Variants in PC observed in about 807,000 individuals in gnomAD.
PC encodes pyruvate carboxylase.
In PC, 46 loss-of-function variants were observed where a neutral mutation model predicts 107.8. The observed-to-expected ratio is 0.43, with a 90% CI of 0.34 to 0.55. The LOEUF (loss-of-function observed/expected upper bound fraction) is 0.55. PC is among the 20% of genes least tolerant of loss of function. The pLI is 0.04. For synonymous variants in PC, 662 were observed against 684.7 expected, an observed-to-expected ratio of 0.97 and a Z score of 0.52; for missense variants, 1,241 against 1,643.1, an observed-to-expected ratio of 0.76 and a Z score of 4.23.
intron 3 of PC, among the ~76,000 whole-genome samples, chr11:66,873,025 C>T (rs1455260767): frequency 1.4e-5 from 2 of 143,978 alleles, no homozygotes; most frequent in Non-Finnish European, 3.0e-5. Context: ...GACATCAAGA[C>T]TCTGTCCCAG....
In PC at chr11:66,870,269, C is replaced by T. The variant is rs1212358700; in HGVS notation, c.903+33G>A. On this transcript the variant is annotated intron_variant, in intron 9 of 22. Transcript: ENST00000393960. The surrounding 1 kb of genome is among the most constrained non-coding windows in gnomAD (Gnocchi z 6.1). ...AGGCCTGCCGGCCTGTGAGCACAGG[C>T]TCCTGTCCCAACACGGGAAGCCCAC... 1 of 1,610,840 alleles carries T rather than the reference C, an allele frequency of 6.2e-7. No homozygotes were observed. The highest frequency in any genetic ancestry group is 8.5e-7 in the Non-Finnish European group (1 of 1,179,814).
chr11:66,927,723 CAAAAAAA>C (rs568408958), intron 3 of PC, among the ~76,000 whole-genome samples: 1 of 96,088 alleles, frequency 1.0e-5, no homozygotes, highest in East Asian at 2.9e-4. Context: ...AAGTCCGTCT[CAAAAAAA>C]AAAAAAAAAG....
intron 12 of PC, among the ~76,000 whole-genome samples, chr11:66,861,335 A>G (rs1422972634): frequency 2.0e-5 from 3 of 152,184 alleles, no homozygotes; most frequent in African/African-American, 7.2e-5. Context: ...CAGGTGCTGT[A>G]TGAAAACTCA....
rs748957599 is a variant in PC at position 66,858,416 on chromosome 11, C to T, written c.1369-5033G>A. On this transcript the variant is annotated intron_variant, in intron 12 of 22. Transcript: ENST00000393960. This position sits in a 1 kb window ranked among gnomAD's most constrained non-coding sequence, Gnocchi z 5.9. ...GTGGGCGTGATGCAGAGGCCTCTCC[C>T]GCCCCCCTGGTGCTGAGCTTTAGCG... 1.0e-5 allele frequency: 16 copies of T among 1,555,166 alleles called. No homozygotes were observed. Among genetic ancestry groups the T allele is most frequent in the East Asian group, 2.4e-5 (1 of 42,102 alleles).
chr11:66,913,244 C>A (rs1280890632), intron 3 of PC, among the ~76,000 whole-genome samples: 1 of 151,304 alleles, frequency 6.6e-6, no homozygotes, highest in Non-Finnish European at 1.5e-5. Flanking sequence ...AGCTAGAGGG[C>A]CCAATGGGTG....
intron 1 of PC, among the ~76,000 whole-genome samples, chr11:66,955,308 G>T (rs1054689162): frequency 1.3e-5 from 2 of 152,192 alleles, no homozygotes; most frequent in Non-Finnish European, 2.9e-5. Context: ...CCCATGAGTG[G>T]TGGTGGGAGG....
chr11:66,951,236 C>A (rs1949428721), intron 3 of PC, among the ~76,000 whole-genome samples: 2 of 152,170 alleles, frequency 1.3e-5, no homozygotes, highest in Admixed American at 6.5e-5. Context: ...CCCTGAGCCA[C>A]AAAGTCCCCA....
chr11:66,882,411 G>A (rs1166874642), intron 3 of PC, among the ~76,000 whole-genome samples: 2 of 152,246 alleles, frequency 1.3e-5, no homozygotes, highest in Non-Finnish European at 2.9e-5. Context: ...CGCAGAGGAA[G>A]GGAAAGACCA....
chr11:66,890,879 G>A (rs547128352), intron 3 of PC, among the ~76,000 whole-genome samples: 7 of 152,136 alleles, frequency 4.6e-5, no homozygotes, highest in South Asian at 4.1e-4. Flanking sequence ...GAAGCTGGGC[G>A]ACAGGTACAT....
Position 66,858,656 on chromosome 11 carries a change from C to T in PC, c.1368+5118G>A. 6.5e-7 allele frequency: 1 copy of T among 1,542,696 alleles called. No individual in the cohort carries two copies. Among genetic ancestry groups the T allele is most frequent in the Non-Finnish European group, 8.7e-7 (1 of 1,144,320 alleles). On this transcript the variant is annotated intron_variant, in intron 12 of 22. Transcript: ENST00000393960. This position sits in a 1 kb window ranked among gnomAD's most constrained non-coding sequence, Gnocchi z 5.9. ...AGCGGGCCACGCTGCGGTGCCGGGC[C>T]CTGGGTGACCCCGCGCCTACCATGC...
chr11:66,878,198 C>T (rs1011965009), intron 3 of PC, among the ~76,000 whole-genome samples: 3 of 152,124 alleles, frequency 2.0e-5, no homozygotes, highest in Non-Finnish European at 4.4e-5. Context: ...GGCAGCAGCC[C>T]ACTGGCACCG....
chr11:66,849,471 G>A (rs1216827313), intron 21 of PC, 101 bp from the exon 22 acceptor site: 27 of 1,601,144 alleles, frequency 1.7e-5, no homozygotes, highest in Middle Eastern at 1.8e-4. Context: ...TTGGCTCCTC[G>A]TTCCTAAAGG....
intron 3 of PC, among the ~76,000 whole-genome samples, chr11:66,901,753 G>A (rs904691482): frequency 2.6e-5 from 4 of 152,134 alleles, no homozygotes; most frequent in African/African-American, 9.7e-5. Context: ...GATTACAGGC[G>A]TGAGCCACCA....
intron 12 of PC, chr11:66,856,578 G>C (rs1476117279): frequency 6.6e-6 from 1 of 152,618 alleles, no homozygotes; most frequent in Non-Finnish European, 1.5e-5. Flanking sequence ...ATGACCTTCA[G>C]CGTGTGTCTG....
intron 3 of PC, among the ~76,000 whole-genome samples, chr11:66,931,384 GAAAAAAAAA>G (rs60081578): frequency 2.5e-4 from 21 of 84,964 alleles, no homozygotes; most frequent in Admixed American, 5.9e-4. Context: ...TCCATCTCAA[GAAAAAAAAA>G]AAAAAAAAAA....
At chr11:66,900,325 C>T (rs566135527) in intron 3 of PC, among the ~76,000 whole-genome samples, 1 of 152,034 alleles carries the variant, frequency 6.6e-6, no homozygotes, top group Non-Finnish European at 1.5e-5. Flanking sequence ...CAGGCGCCCA[C>T]CACCACGCCC....
At position 66,939,502 on chromosome 11, in the gene PC, T is replaced by G. The variant is rs1382144610; in HGVS notation, c.-1+12928A>C. Among the ~76,000 whole-genome samples, 3 of 152,096 alleles carry G rather than the reference T, an allele frequency of 2.0e-5. No homozygotes were observed. In the South Asian group the frequency reaches 6.2e-4, roughly 31 times the overall value. On this transcript the variant is annotated intron_variant, in intron 3 of 22. Transcript: ENST00000393960. ...AACACAGCCACAGGTGAGGACAGAC[T>G]GTACTTAAAACTCCTGCAGAGGCTG...
chr11:66,864,280 C>T (rs1044890791), intron 11 of PC, among the ~76,000 whole-genome samples: 3 of 152,206 alleles, frequency 2.0e-5, no homozygotes, highest in African/African-American at 4.8e-5. Flanking sequence ...TCTATTCCCA[C>T]GGACCTGCTG....
intron 3 of PC, among the ~76,000 whole-genome samples, chr11:66,875,518 G>A (rs1360007573): frequency 6.6e-6 from 1 of 152,120 alleles, no homozygotes; most frequent in Non-Finnish European, 1.5e-5. Context: ...TCAGGCCTGC[G>A]TCTTCAGGCC....
Sources: gnomAD v4.1 joint callset for allele counts (sites outside exome capture counted in the v4.1 genomes callset) on GRCh38, gnomAD v4.1.1 for gene constraint, Gnocchi (gnomAD v3.1) non-coding constraint, MANE v1.5 for transcripts, NCBI Gene and HGNC (gene_info 2026-07-23, HGNC 2026-07-21) for gene names.